Variants in SLCO6A1 observed in about 807,000 individuals in gnomAD.
The protein encoded by SLCO6A1 is solute carrier organic anion transporter family member 6A1, also known as cancer/testis antigen 48.
In SLCO6A1, 65 loss-of-function variants were observed where a neutral mutation model predicts 72.7. The observed-to-expected ratio is 0.89, with a 90% CI of 0.73 to 1.10. The LOEUF (loss-of-function observed/expected upper bound fraction) is 1.10, where lower values mean the gene tolerates loss of function less well. Among genes scored for constraint, SLCO6A1 ranks in the 50% least tolerant of loss-of-function variants. The pLI is 0.00. For synonymous variants in SLCO6A1, 314 were observed against 298.2 expected, an observed-to-expected ratio of 1.05 and a Z score of -0.55; for missense variants, 874 against 872.6, an observed-to-expected ratio of 1.00 and a Z score of -0.02.
chr5:102,409,575 A>C (rs1747861458), intron 9 of SLCO6A1, among the ~76,000 whole-genome samples: 1 of 152,090 alleles, frequency 6.6e-6, no homozygotes, highest in African/African-American at 2.4e-5. Context: ...TTTTACTAAA[A>C]GCTTCTACTT....
chr5:102,450,198 C>T (rs914139528), intron 6 of SLCO6A1, among the ~76,000 whole-genome samples: 17 of 152,188 alleles, frequency 1.1e-4, no homozygotes, highest in Non-Finnish European at 2.5e-4. Flanking sequence ...AGTAAAAAGA[C>T]ATTCTGGCTT....
At chr5:102,388,583 C>A (rs1475702734) in intron 12 of SLCO6A1, 105 bp downstream of exon 12, 24 of 867,772 alleles carry the variant, frequency 2.8e-5, no homozygotes, top group Non-Finnish European at 2.0e-5. Context: ...CATCAAAGTA[C>A]TTATTTAATT....
chr5:102,403,349 T>G (rs1025051674), intron 9 of SLCO6A1, among the ~76,000 whole-genome samples: 6 of 152,166 alleles, frequency 3.9e-5, no homozygotes, highest in African/African-American at 1.2e-4. Flanking sequence ...ACTTAAATTT[T>G]GTTACTTTTC....
chr5:102,498,198 A>G (rs991420285), intron 1 of SLCO6A1, among the ~76,000 whole-genome samples: 2 of 152,186 alleles, frequency 1.3e-5, no homozygotes, highest in Non-Finnish European at 2.9e-5. Flanking sequence ...TGAGCAATAA[A>G]AAAACTCTGG....
chr5:102,484,297 T>C (rs1183766676), intron 1 of SLCO6A1, among the ~76,000 whole-genome samples: 2 of 152,156 alleles, frequency 1.3e-5, no homozygotes, highest in Non-Finnish European at 2.9e-5. Flanking sequence ...TGAGGGTTCG[T>C]TAGTTTGTTT....
At chr5:102,490,873 G>A (rs1261752442) in intron 1 of SLCO6A1, among the ~76,000 whole-genome samples, 2 of 152,130 alleles carry the variant, frequency 1.3e-5, no homozygotes, top group Non-Finnish European at 2.9e-5. Context: ...ATTTACTGCA[G>A]AGAGCGAAAG....
At chr5:102,409,894 C>G (rs1377773029) in intron 9 of SLCO6A1, among the ~76,000 whole-genome samples, 1 of 151,994 alleles carries the variant, frequency 6.6e-6, no homozygotes, top group African/African-American at 2.4e-5. Flanking sequence ...CTTGAATATT[C>G]CAGGGAATCA....
At chr5:102,410,281 C>T (rs1196829876) in intron 9 of SLCO6A1, among the ~76,000 whole-genome samples, 2 of 152,002 alleles carry the variant, frequency 1.3e-5, no homozygotes, top group African/African-American at 4.8e-5. Context: ...CAGCTCTAAG[C>T]AGAGAGGGTA....
At chr5:102,383,543 C>A (rs1018381111) in intron 12 of SLCO6A1, among the ~76,000 whole-genome samples, 1 of 151,602 alleles carries the variant, frequency 6.6e-6, no homozygotes, top group Admixed American at 6.6e-5. Flanking sequence ...AGGGATAAAT[C>A]CCTCTTGATC....
Position 102,389,440 on chromosome 5 carries a change from A to ACCCCCC in SLCO6A1, c.1880-616_1880-615insGGGGGG, listed in dbSNP as rs1405717636. On this transcript the variant is annotated intron_variant, in intron 11 of 13. Transcript: ENST00000506729. Reference sequence around the variant, plus strand: ...GCCAAAAGTGAGTGAACAGTCACACACCCCGCCCCCCACCCCCACACACAC... The same window carrying ACCCCCC: ...GCCAAAAGTGAGTGAACAGTCACACACCCCCCCCCCGCCCCCCACCCCCACACACAC... 4.7e-4 allele frequency among the ~76,000 whole-genome samples: 25 copies of ACCCCCC among 52,884 alleles called. 1 individual carries two copies. Among genetic ancestry groups the ACCCCCC allele is most frequent in the South Asian group, 8.1e-4 (1 of 1,228 alleles). 34.7% of individuals were successfully genotyped at this position (52,884 alleles called of 152,430 possible). A position where few individuals can be genotyped will look rare whatever the true frequency, so the allele number is the denominator to read the frequency against.
intron 1 of SLCO6A1, among the ~76,000 whole-genome samples, chr5:102,497,853 GTTAGGGGT>G (rs1752975362): frequency 1.3e-5 from 2 of 152,188 alleles, no homozygotes; most frequent in Non-Finnish European, 2.9e-5. Context: ...AGAAATTAAG[GTTAGGGGT>G]CATGCAGCCT....
intron 6 of SLCO6A1, among the ~76,000 whole-genome samples, chr5:102,448,978 T>C (rs751783242): frequency 3.9e-5 from 6 of 152,016 alleles, no homozygotes; most frequent in Non-Finnish European, 7.4e-5. Flanking sequence ...AGTACTTGAG[T>C]GTGTTTTTGT....
At chr5:102,421,334 T>C (rs56358831) in intron 7 of SLCO6A1, among the ~76,000 whole-genome samples, 98,312 of 151,890 alleles carry the variant, frequency 0.65, 32,029 homozygotes, top group African/African-American at 0.67. Flanking sequence ...CTCAGCAGGT[T>C]CCACTCCCAT....
chr5:102,486,480 G>T (rs1236171259), intron 1 of SLCO6A1, among the ~76,000 whole-genome samples: 3 of 151,928 alleles, frequency 2.0e-5, no homozygotes, highest in Non-Finnish European at 2.9e-5. Context: ...GCAAATTAGA[G>T]AATTTATTTA....
chr5:102,442,223 G>A (rs1749873174), intron 6 of SLCO6A1, among the ~76,000 whole-genome samples: 1 of 152,036 alleles, frequency 6.6e-6, no homozygotes, highest in Non-Finnish European at 1.5e-5. Context: ...ATTACACTAG[G>A]CAGATTTCTG....
At position 102,429,569 on chromosome 5, in the gene SLCO6A1, C is replaced by A. The variant is rs186086000; in HGVS notation, c.1276+9048G>T. Among the ~76,000 whole-genome samples, 759 of 152,272 alleles carry A rather than the reference C, an allele frequency of 5.0e-3. 5 individuals are homozygous for A. Among genetic ancestry groups the A allele is most frequent in the South Asian group, 0.013 (61 of 4,828 alleles). Reference sequence around the variant, plus strand: ...CATTTACTGAATAGGGAATCCTTTCCTCATTGCTTGTTTTAGTCAGGTTTG... The same window carrying A: ...CATTTACTGAATAGGGAATCCTTTCATCATTGCTTGTTTTAGTCAGGTTTG... On this transcript the variant is annotated intron_variant, in intron 7 of 13. Coordinates refer to ENST00000506729, the MANE Select transcript of SLCO6A1 (RefSeq NM_173488.5).
At chr5:102,492,136 A>G (rs528869268) in intron 1 of SLCO6A1, among the ~76,000 whole-genome samples, 1 of 152,284 alleles carries the variant, frequency 6.6e-6, no homozygotes, top group Non-Finnish European at 1.5e-5. Context: ...TGATCCAATC[A>G]CTTCCCACCA....
chr5:102,443,280 T>G (rs1323101614), intron 6 of SLCO6A1, among the ~76,000 whole-genome samples: 1 of 152,228 alleles, frequency 6.6e-6, no homozygotes. Flanking sequence ...AACTTACTTC[T>G]GTCTCCTTAT....
chr5:102,379,079 T>A (rs1745972201), intron 12 of SLCO6A1, among the ~76,000 whole-genome samples: 1 of 152,038 alleles, frequency 6.6e-6, no homozygotes, highest in Admixed American at 6.6e-5. Flanking sequence ...CTGCACCCAG[T>A]CCTTCAATTG....
Sources: gnomAD v4.1 joint callset for allele counts (sites outside exome capture counted in the v4.1 genomes callset) on GRCh38, gnomAD v4.1.1 for gene constraint, MANE v1.5 for transcripts, NCBI Gene and HGNC (gene_info 2026-07-23, HGNC 2026-07-21) for gene names.